Variants in MCRIP1 observed in about 807,000 individuals in gnomAD.
MCRIP1 encodes the protein mapk-regulated corepressor-interacting protein 1.
Under a neutral mutation model 14.4 loss-of-function variants are expected in MCRIP1, and 10 were observed. That is an observed-to-expected ratio of 0.70 (90% CI 0.43 to 1.18). MCRIP1 has a LOEUF of 1.18. Ranked by LOEUF, MCRIP1 falls within the 50% of genes most tolerant of loss-of-function variation. The probability of loss-of-function intolerance (pLI) is 0.00; values close to 1 mark genes in which losing one functional copy is unlikely to be tolerated. For missense variants in MCRIP1, 119 were observed against 135.4 expected, an observed-to-expected ratio of 0.88 and a Z score of 0.60; for synonymous variants, 53 against 55.7, an observed-to-expected ratio of 0.95 and a Z score of 0.21.
intron 1 of MCRIP1, chr17:81,825,601 T>C: frequency 7.8e-7 from 1 of 1,289,336 alleles, no homozygotes; most frequent in Non-Finnish European, 1.0e-6. Context: ...CCGCCTCATG[T>C]CAATGGTCCA....
chr17:81,828,059 T>C (rs1365739368), intron 1 of MCRIP1, among the ~76,000 whole-genome samples: 1 of 152,016 alleles, frequency 6.6e-6, no homozygotes, highest in East Asian at 1.9e-4. Flanking sequence ...AGATTACAGG[T>C]GTGAGCTACC....
At chr17:81,832,962 G>C (rs962763075) in intron 1 of MCRIP1, among the ~76,000 whole-genome samples, 2 of 152,060 alleles carry the variant, frequency 1.3e-5, no homozygotes, top group Non-Finnish European at 2.9e-5. Flanking sequence ...CTGGGTCCCC[G>C]GCACCTGCCC....
intron 1 of MCRIP1, among the ~76,000 whole-genome samples, chr17:81,832,316 G>C (rs569136772): frequency 3.3e-5 from 5 of 152,188 alleles, no homozygotes; most frequent in Non-Finnish European, 5.9e-5. Context: ...GCCTCTAAGC[G>C]CTGCACCACC....
chr17:81,825,336 TC>T, intron 1 of MCRIP1: 1 of 1,166,172 alleles, frequency 8.6e-7, no homozygotes, highest in South Asian at 1.7e-5. Flanking sequence ...CTGGACAGTG[TC>T]CCCACTCCAG....
chr17:81,823,720 C>T lies in MCRIP1; in HGVS notation c.128-207G>A. 1 of 605,050 alleles carries T rather than the reference C, an allele frequency of 1.7e-6. No individual in the cohort carries two copies. The highest frequency in any genetic ancestry group is 2.0e-5 in the South Asian group (1 of 51,018). The allele number at this position is 605,050 out of a possible 1,614,324, so 37.5% of individuals were successfully genotyped here. A position where few individuals can be genotyped will look rare whatever the true frequency, so the allele number is the denominator to read the frequency against. On this transcript the variant is annotated intron_variant, in intron 3 of 4. Transcript: ENST00000455127. This position sits in a 1 kb window ranked among gnomAD's most constrained non-coding sequence, Gnocchi z 6.0. ...GCTCCTCTGGCAGGCCTGTCCCTTC[C>T]CCGCAAGATGACCAGGACTGTGGTC...
intron 1 of MCRIP1, chr17:81,826,366 C>CCATATGAA (rs1471733862): frequency 6.5e-7 from 1 of 1,535,630 alleles, no homozygotes; most frequent in Admixed American, 2.0e-5. Flanking sequence ...CGGCACACAC[C>CCATATGAA]CATATGAACA....
intron 1 of MCRIP1, among the ~76,000 whole-genome samples, chr17:81,828,454 A>G (rs1281548071): frequency 2.6e-5 from 4 of 152,132 alleles, no homozygotes; most frequent in Non-Finnish European, 4.4e-5. Context: ...ATTTTCCATT[A>G]AAAATCAAGT....
rs1343705260 is a variant in MCRIP1, at chr17:81,823,368, C to T, written c.229+44G>A. 1.3e-5 allele frequency: 20 copies of T among 1,535,536 alleles called. No homozygotes were observed. The highest frequency in any genetic ancestry group is 9.8e-5 in the Admixed American group (5 of 50,960). The stretch of plus-strand genomic sequence containing the variant: ...ACAGGCCCCTCCTGCCCATGAGGCC[C>T]GGCCTGCCGGCCCAGCCCTGCCCCC... On this transcript the variant is annotated intron_variant, in intron 4 of 4. Transcript: ENST00000455127. This position sits in a 1 kb window ranked among gnomAD's most constrained non-coding sequence, Gnocchi z 6.0.
chr17:81,823,531 G>A lies in MCRIP1; in HGVS notation c.128-18C>T, dbSNP rs1414658219. 1.3e-5 allele frequency: 20 copies of A among 1,533,522 alleles called. No homozygotes were observed. Among genetic ancestry groups the A allele is most frequent in the African/African-American group, 2.7e-5 (2 of 72,978 alleles). 95.0% of individuals were successfully genotyped at this position (1,533,522 alleles called of 1,614,324 possible). On this transcript the variant is annotated intron_variant, in intron 3 of 4. Coordinates refer to ENST00000455127, the MANE Select transcript of MCRIP1 (RefSeq NM_207368.5). This position sits in a 1 kb window ranked among gnomAD's most constrained non-coding sequence, Gnocchi z 6.0. ...CTGCCAGGCTGCAGAGGCAGAGAGT[G>A]GTGTGCTCAGGGCCCCCTGCCCCAG...
chr17:81,823,685 C>A lies in MCRIP1; in HGVS notation c.128-172G>T. 1.6e-6 allele frequency: 1 copy of A among 624,736 alleles called. No individual in the cohort carries two copies. The highest frequency in any genetic ancestry group is 2.8e-6 in the Non-Finnish European group (1 of 352,832). The allele number at this position is 624,736 out of a possible 1,614,324, so 38.7% of individuals were successfully genotyped here. ...CACCCCAGCCTCACTCACCTGCAGA[C>A]CCCGTCCCCGCTCCTCTGGCAGGCC... On this transcript the variant is annotated intron_variant, in intron 3 of 4. Transcript: ENST00000455127. This position sits in a 1 kb window ranked among gnomAD's most constrained non-coding sequence, Gnocchi z 6.0.
rs1241231103 is a variant in MCRIP1 at position 81,824,402 on chromosome 17, G to T, written c.12C>A (p.Ser4=). Residue 4 remains serine, a synonymous_variant, in exon 3 of 5, where the codon TCC becomes TCA. Coordinates refer to ENST00000455127, the MANE Select transcript of MCRIP1 (RefSeq NM_207368.5). ...CGTTGTACACGACTCTGGAGACGGG[G>T]GAGCTGGGGGAGCCTGGCGCATGAG... MTS[S]PVSRVVYNGK... The T allele has an allele frequency of 6.5e-7, 1 of 1,533,922 alleles. No individual in the cohort carries two copies. Among genetic ancestry groups the T allele is most frequent in the South Asian group, 1.2e-5 (1 of 83,970 alleles).
chr17:81,824,645 CT>C, intron 1 of MCRIP1, 91 bp from the exon 2 acceptor site: 1 of 1,523,584 alleles, frequency 6.6e-7, no homozygotes, highest in Non-Finnish European at 8.8e-7. Context: ...TGCCTCCTCC[CT>C]TCAGATGTGA....
At chr17:81,824,475 C>T (rs770123648) in intron 2 of MCRIP1, 24 bp downstream of exon 2, 1 of 1,535,820 alleles carries the variant, frequency 6.5e-7, no homozygotes. Context: ...CCGGTGGAGA[C>T]CAGCCCACCT....
rs1270295355 is a variant in MCRIP1, at chr17:81,823,290, C to G, written c.251G>C (p.Ser84Thr). 6.5e-7 allele frequency: 1 copy of G among 1,536,984 alleles called. No homozygotes were observed. The highest frequency in any genetic ancestry group is 2.0e-5 in the Admixed American group (1 of 50,990). ...CTGCGTGCTCCGGCGCTTCAGGTCA[C>G]TCAGGTCGATGGGCTTGAAGGCTGC... ...SLKTFKPIDL[S>T]DLKRRSTQDA... The change falls in exon 5 of 5, where the codon AGT becomes ACT. Residue 84 changes from serine (S) to threonine (T), a missense_variant. Physicochemically the swap from Ser to Thr is moderately conservative, Grantham distance 58 (BLOSUM62 1). Transcript: ENST00000455127. The surrounding 1 kb of genome is among the most constrained non-coding windows in gnomAD (Gnocchi z 6.0).
Position 81,823,353 on chromosome 17 carries a change from C to T in MCRIP1, c.230-42G>A, listed in dbSNP as rs1426164691. 2.0e-6 allele frequency: 3 copies of T among 1,536,476 alleles called. No individual in the cohort carries two copies. Among genetic ancestry groups the T allele is most frequent in the African/African-American group, 1.4e-5 (1 of 73,014 alleles). On this transcript the variant is annotated intron_variant, in intron 4 of 4. Coordinates refer to ENST00000455127, the MANE Select transcript of MCRIP1 (RefSeq NM_207368.5). This position sits in a 1 kb window ranked among gnomAD's most constrained non-coding sequence, Gnocchi z 6.0. ...CGGTAGGTGGTGGGCACAGGCCCCT[C>T]CTGCCCATGAGGCCCGGCCTGCCGG... is the stretch of plus-strand genomic sequence containing the variant.
rs2038318610 is a variant in MCRIP1, at chr17:81,823,550, G to A, written c.128-37C>T. 1 of 1,513,644 alleles carries A rather than the reference G, an allele frequency of 6.6e-7. No individual in the cohort carries two copies. Among genetic ancestry groups the A allele is most frequent in the African/African-American group, 1.4e-5 (1 of 72,636 alleles). 93.8% of individuals were successfully genotyped at this position (1,513,644 alleles called of 1,614,324 possible). A position where few individuals can be genotyped will look rare whatever the true frequency, so the allele number is the denominator to read the frequency against. On this transcript the variant is annotated intron_variant, in intron 3 of 4. Coordinates refer to ENST00000455127, the MANE Select transcript of MCRIP1 (RefSeq NM_207368.5). This position sits in a 1 kb window ranked among gnomAD's most constrained non-coding sequence, Gnocchi z 6.0. Reference sequence around the variant, plus strand: ...GAGAGTGGTGTGCTCAGGGCCCCCTGCCCCAGGGGGTGGCATCCACGTCAC... The same window carrying A: ...GAGAGTGGTGTGCTCAGGGCCCCCTACCCCAGGGGGTGGCATCCACGTCAC...
At chr17:81,826,977 A>G (rs2038416752) in intron 1 of MCRIP1, among the ~76,000 whole-genome samples, 1 of 148,844 alleles carries the variant, frequency 6.7e-6, no homozygotes, top group South Asian at 2.2e-4. Context: ...AATTAGCTGG[A>G]TGTGGTGGTG....
chr17:81,823,481 G>T lies in MCRIP1; in HGVS notation c.160C>A (p.Gln54Lys). 6.5e-7 allele frequency: 1 copy of T among 1,536,500 alleles called. No homozygotes were observed. Among genetic ancestry groups the T allele is most frequent in the Non-Finnish European group, 8.7e-7 (1 of 1,146,756 alleles). ...AGGCCCCGCTCGCCACCCGGCACCT[G>T]GCCTCGCAGGTCTCGCTCCACACCC... ...WQGVERDLRG[Q>K]VPGGERGLVE... The change falls in exon 4 of 5, where the codon CAG (glutamine) becomes AAG (lysine). Residue 54 changes from glutamine (Q) to lysine (K), a missense_variant. Coordinates refer to ENST00000455127, the MANE Select transcript of MCRIP1 (RefSeq NM_207368.5). This position sits in a 1 kb window ranked among gnomAD's most constrained non-coding sequence, Gnocchi z 6.0.
At chr17:81,825,575 T>G (rs1381712690) in intron 1 of MCRIP1, 1 of 1,288,618 alleles carries the variant, frequency 7.8e-7, no homozygotes, top group African/African-American at 1.5e-5. Context: ...AGGCTTCGAG[T>G]CCTCTCTGGC....
Sources: allele counts gnomAD v4.1 joint callset (sites outside exome capture counted in the v4.1 genomes callset), GRCh38; gene constraint gnomAD v4.1.1; non-coding constraint Gnocchi (gnomAD v3.1); transcripts MANE v1.5; gene names NCBI Gene and HGNC (gene_info 2026-07-23, HGNC 2026-07-21).